Variants in TGM7 observed in about 807,000 individuals in gnomAD.
The protein encoded by TGM7 is transglutaminase 7.
Under a neutral mutation model 79.5 loss-of-function variants are expected in TGM7, and 74 were observed. The ratio of observed to expected loss-of-function variants is 0.93; its 90% CI spans 0.77 to 1.13. The LOEUF (loss-of-function observed/expected upper bound fraction) is 1.13, where lower values mean the gene tolerates loss of function less well. TGM7 is among the 50% of genes most tolerant of loss of function. The pLI, the probability that TGM7 is intolerant of heterozygous loss-of-function variation, is 0.00. For synonymous variants in TGM7, 354 were observed against 362.5 expected (o/e 0.98, Z 0.27); for missense variants, 912 against 905.9 (o/e 1.01, Z -0.09).
At chr15:43,288,474 G>A (rs1483697375) in intron 4 of TGM7, among the ~76,000 whole-genome samples, 1 of 152,034 alleles carries the variant, frequency 6.6e-6, no homozygotes, top group African/African-American at 2.4e-5. Flanking sequence ...CTGGATATTG[G>A]ATGTTATTAA....
Position 43,292,747 on chromosome 15 carries a change from A to G in TGM7, c.401T>C (p.Leu134Pro). The change falls in exon 3 of 13, where the codon CTG (leucine) becomes CCG (proline). Residue 134 changes from leucine (L) to proline (P), a missense_variant. Transcript: ENST00000452443. ...GTTAAAAAGTAGGATGAAAGTTCCC[A>G]GCGGGTAAGTCACACTGTGACCTTG... is the stretch of plus-strand genomic sequence containing the variant. ...QGQGHSVTYPLGTFILLFNPW... is the reference protein window; with the variant it reads ...QGQGHSVTYPPGTFILLFNPW... 6.2e-7 allele frequency: 1 copy of G among 1,614,196 alleles called. No individual in the cohort carries two copies. Among genetic ancestry groups the G allele is most frequent in the South Asian group, 1.1e-5 (1 of 91,092 alleles).
chr15:43,290,404 G>A (rs1260388243), intron 4 of TGM7, among the ~76,000 whole-genome samples: 3 of 152,158 alleles, frequency 2.0e-5, no homozygotes, highest in Admixed American at 2.0e-4. Flanking sequence ...TGAGGGCTCT[G>A]TTCTGTTCCA....
intron 7 of TGM7, among the ~76,000 whole-genome samples, chr15:43,283,591 T>C (rs2042920305): frequency 6.6e-6 from 1 of 152,252 alleles, no homozygotes; most frequent in South Asian, 2.1e-4. Flanking sequence ...ATTTATCTAT[T>C]TTTTAAAACC....
At chr15:43,282,778 C>A (rs574578634) in intron 7 of TGM7, among the ~76,000 whole-genome samples, 158 bp from the exon 8 acceptor site, 19 of 152,222 alleles carry the variant, frequency 1.2e-4, no homozygotes, top group African/African-American at 4.6e-4. Flanking sequence ...AGGCTGGGCG[C>A]GGTGACTCAC....
At chr15:43,293,357 T>C in intron 2 of TGM7, 92 bp downstream of exon 2, 1 of 1,450,734 alleles carries the variant, frequency 6.9e-7, no homozygotes, top group Non-Finnish European at 9.3e-7. Flanking sequence ...GGAGGGCAGC[T>C]CAGGTGGGAA....
Position 43,298,407 on chromosome 15 carries a change from T to C in TGM7, c.10+3834A>G, listed in dbSNP as rs544683462. Reference sequence around the variant, plus strand: ...TAGTCATGGGTAGATCTAGCCCTGATGGGTAGATAAAATGTTACACCTTTC... The same window carrying C: ...TAGTCATGGGTAGATCTAGCCCTGACGGGTAGATAAAATGTTACACCTTTC... On this transcript the variant is annotated intron_variant, in intron 1 of 12. Coordinates refer to ENST00000452443, the MANE Select transcript of TGM7 (RefSeq NM_052955.3). Among the ~76,000 whole-genome samples, 24 of 152,194 alleles carry C rather than the reference T, an allele frequency of 1.6e-4. No individual in the cohort carries two copies. In the East Asian group the frequency reaches 4.6e-3, roughly 29 times the overall value.
intron 9 of TGM7, 132 bp downstream of exon 9, chr15:43,281,712 G>A: frequency 7.3e-7 from 1 of 1,378,118 alleles, no homozygotes; most frequent in Non-Finnish European, 9.9e-7. Context: ...CTGGGATCCA[G>A]GAAGGACCCC....
chr15:43,278,177 C>T (rs1462411940), intron 11 of TGM7, among the ~76,000 whole-genome samples: 1 of 152,160 alleles, frequency 6.6e-6, no homozygotes, highest in African/African-American at 2.4e-5. Flanking sequence ...TGGGGAGGGG[C>T]AGGCTGTTGG....
chr15:43,276,284 T>C lies in TGM7; in HGVS notation c.*171A>G, dbSNP rs1160519600. On this transcript the variant is annotated 3_prime_UTR_variant, in exon 13 of 13. Coordinates refer to ENST00000452443, the MANE Select transcript of TGM7 (RefSeq NM_052955.3). ...GTGGCTTGAGAATGCTGGTGATAAA[T>C]AAAGACATCTTTATTGTCTCTTCCC... 1 of 797,688 alleles carries C rather than the reference T, an allele frequency of 1.3e-6. No individual in the cohort carries two copies. Among genetic ancestry groups the C allele is most frequent in the Non-Finnish European group, 1.9e-6 (1 of 521,302 alleles). 49.4% of individuals were successfully genotyped at this position (797,688 alleles called of 1,614,324 possible).
Position 43,276,429 on chromosome 15 carries a change from C to A in TGM7, c.*26G>T. 2 of 1,600,494 alleles carry A rather than the reference C, an allele frequency of 1.2e-6. No individual in the cohort carries two copies. The highest frequency in any genetic ancestry group is 1.1e-5 in the South Asian group (1 of 88,742). ...AAGGAGCCAGGTGGGGCAGGGGTGC[C>A]AGGGAGGGCAGCTGGAGGGCGGGTC... On this transcript the variant is annotated 3_prime_UTR_variant, in exon 13 of 13. Coordinates refer to ENST00000452443, the MANE Select transcript of TGM7 (RefSeq NM_052955.3).
chr15:43,279,742 G>T lies in TGM7; in HGVS notation c.1561C>A (p.Pro521Thr). The T allele has an allele frequency of 6.2e-7, 1 of 1,614,046 alleles. No homozygotes were observed. ...RIQRVPDSTH[P>T]RGPIGLVVRF... is the part of the protein sequence containing the mutation. Reference sequence around the variant, plus strand: ...ACCACCAGTCCGATGGGCCCCCGAGGGTGGGTGCTGTCTGGCACCCTCTGG... The same window carrying T: ...ACCACCAGTCCGATGGGCCCCCGAGTGTGGGTGCTGTCTGGCACCCTCTGG... Residue 521 changes from proline (P) to threonine (T), a missense_variant, in exon 10 of 13, where the codon CCT (proline) becomes ACT (threonine). Coordinates refer to ENST00000452443, the MANE Select transcript of TGM7 (RefSeq NM_052955.3).
intron 9 of TGM7, among the ~76,000 whole-genome samples, chr15:43,281,164 TCAA>T (rs1179285194): frequency 6.6e-6 from 1 of 152,208 alleles, no homozygotes; most frequent in Non-Finnish European, 1.5e-5. Flanking sequence ...ATTTAACCTC[TCAA>T]CAGCCGTCCG....
chr15:43,294,109 T>G (rs901352738), intron 1 of TGM7, among the ~76,000 whole-genome samples: 1 of 152,156 alleles, frequency 6.6e-6, no homozygotes, highest in Non-Finnish European at 1.5e-5. Context: ...AAAGTCACCC[T>G]TTTATCCTAC....
At chr15:43,295,340 C>T (rs1251697047) in intron 1 of TGM7, among the ~76,000 whole-genome samples, 1 of 152,212 alleles carries the variant, frequency 6.6e-6, no homozygotes, top group Non-Finnish European at 1.5e-5. Flanking sequence ...CCTGTAATCC[C>T]AGCACTTTGG....
At chr15:43,287,774 T>C in intron 4 of TGM7, 105 bp from the exon 5 acceptor site, 1 of 1,350,388 alleles carries the variant, frequency 7.4e-7, no homozygotes, top group Non-Finnish European at 1.0e-6. Context: ...TATGGGGATG[T>C]GGGGGCAGGG....
Position 43,284,888 on chromosome 15 carries a change from A to G in TGM7, c.930T>C (p.Asp310=). ...VSNFRSAHNV[D]RNLTIDTYYD... ...AGTACGTATCGATGGTCAAGTTCCT[A>G]TCCACGTTGTGCGCGGAACGGAAAT... Residue 310 remains aspartate (D), a synonymous_variant, in exon 7 of 13, where the codon GAT becomes GAC. Coordinates refer to ENST00000452443, the MANE Select transcript of TGM7 (RefSeq NM_052955.3). The G allele has an allele frequency of 6.2e-7, 1 of 1,614,178 alleles. No homozygotes were observed. Among genetic ancestry groups the G allele is most frequent in the East Asian group, 2.2e-5 (1 of 44,884 alleles).
intron 7 of TGM7, among the ~76,000 whole-genome samples, chr15:43,284,360 G>A (rs200970278): frequency 6.4e-5 from 9 of 141,622 alleles, no homozygotes; most frequent in Admixed American, 2.1e-4. Flanking sequence ...ACACACACAC[G>A]CATGCATATA....
chr15:43,276,960 T>C lies in TGM7; in HGVS notation c.1875A>G (p.Arg625=). The change falls in exon 12 of 13, where the codon AGA becomes AGG. Residue 625 remains arginine, a synonymous_variant. Transcript: ENST00000452443. ...SERAEVGKAL[R]VHVTLTNTLM... ...AGGTGTTGGTGAGGGTGACATGGAC[T>C]CTCAGCGCCTTGCCCACCTCAGCCC... is the stretch of plus-strand genomic sequence containing the variant. 6.2e-7 allele frequency: 1 copy of C among 1,613,980 alleles called. No homozygotes were observed. The highest frequency in any genetic ancestry group is 8.5e-7 in the Non-Finnish European group (1 of 1,179,948).
rs199603806 is a variant in TGM7, at chr15:43,279,919, C to G, written c.1384G>C (p.Ala462Pro). ...TGGGGGCCCAGCATTTTCCGAGAAG[C>G]CTTCATGAAGACAGCTCTCTCCTCA... is the stretch of plus-strand genomic sequence containing the variant. ...SPEERAVFMK[A>P]SRKMLGPQRA... The change falls in exon 10 of 13, where the codon GCT becomes CCT. Residue 462 changes from alanine to proline, a missense_variant. By Grantham distance (27) the Ala-to-Pro change is conservative. Coordinates refer to ENST00000452443, the MANE Select transcript of TGM7 (RefSeq NM_052955.3). The G allele has an allele frequency of 1.2e-6, 2 of 1,614,042 alleles. No homozygotes were observed. The highest frequency in any genetic ancestry group is 1.3e-5 in the African/African-American group (1 of 74,914).
Sources: allele counts gnomAD v4.1 joint callset (sites outside exome capture counted in the v4.1 genomes callset), GRCh38; gene constraint gnomAD v4.1.1; transcripts MANE v1.5; gene names NCBI Gene and HGNC (gene_info 2026-07-23, HGNC 2026-07-21).